TAFA2: variants seen among roughly 807,000 people sequenced by gnomAD.
TAFA2 encodes the protein TAFA chemokine like family member 2, also known as chemokine-like protein TAFA-2.
Under a neutral mutation model 18.8 loss-of-function variants are expected in TAFA2, and 7 were observed. The observed-to-expected ratio is 0.37, with a 90% CI of 0.21 to 0.70. The LOEUF (loss-of-function observed/expected upper bound fraction) is 0.70. Ranked by LOEUF, TAFA2 falls within the 30% of genes least tolerant of loss-of-function variation. TAFA2 has a pLI of 0.53. For synonymous variants in TAFA2, 60 were observed against 54.2 expected (o/e 1.11, Z -0.47); for missense variants, 122 against 158.1 (o/e 0.77, Z 1.23).
intron 2 of TAFA2, among the ~76,000 whole-genome samples, chr12:61,846,045 T>G (rs1873390624): frequency 6.6e-6 from 1 of 152,146 alleles, no homozygotes; most frequent in South Asian, 2.1e-4. Context: ...TTGGTCTATG[T>G]TTTGAAATAA....
intron 4 of TAFA2, among the ~76,000 whole-genome samples, chr12:61,713,256 A>G (rs1314468793): frequency 6.6e-6 from 1 of 152,140 alleles, no homozygotes; most frequent in Admixed American, 6.6e-5. Flanking sequence ...GCTGAGCTGT[A>G]ACCAATCTGG....
chr12:62,014,360 G>T (rs1880861172), intron 1 of TAFA2, among the ~76,000 whole-genome samples: 1 of 152,218 alleles, frequency 6.6e-6, no homozygotes, highest in African/African-American at 2.4e-5. Flanking sequence ...TGTGCGCAGT[G>T]ACTCATGCCT....
At chr12:62,032,679 A>G (rs1250502184) in intron 1 of TAFA2, among the ~76,000 whole-genome samples, 1 of 152,092 alleles carries the variant, frequency 6.6e-6, no homozygotes. Context: ...ATTAATTAAA[A>G]AAAATCTGTG....
chr12:62,170,152 GCAAGACTTAAT>G (rs2062467459), intron 1 of TAFA2, among the ~76,000 whole-genome samples: 1 of 152,092 alleles, frequency 6.6e-6, no homozygotes, highest in Non-Finnish European at 1.5e-5. Context: ...GGACCCTAGG[GCAAGACTTAAT>G]AGTACCCTTG....
At chr12:62,152,409 G>A (rs1378401362) in intron 1 of TAFA2, among the ~76,000 whole-genome samples, 1 of 152,172 alleles carries the variant, frequency 6.6e-6, no homozygotes, top group Non-Finnish European at 1.5e-5. Flanking sequence ...CCACGAAAAT[G>A]TGATGAATCA....
intron 2 of TAFA2, among the ~76,000 whole-genome samples, chr12:61,846,726 GAAC>G (rs1199282237): frequency 6.6e-6 from 1 of 151,990 alleles, no homozygotes; most frequent in Non-Finnish European, 1.5e-5. Context: ...TTGCATCCAC[GAAC>G]AACTGTCCAC....
chr12:61,929,332 C>A (rs914039752), intron 1 of TAFA2, among the ~76,000 whole-genome samples: 5 of 152,056 alleles, frequency 3.3e-5, no homozygotes, highest in East Asian at 3.9e-4. Flanking sequence ...ACCCCATCAA[C>A]AAGTGGGCGA....
At chr12:61,982,658 T>C (rs1230225916) in intron 1 of TAFA2, among the ~76,000 whole-genome samples, 1 of 152,078 alleles carries the variant, frequency 6.6e-6, no homozygotes, top group Non-Finnish European at 1.5e-5. Flanking sequence ...TATGGAGATA[T>C]ATCCTTTAGT....
chr12:62,164,214 G>C (rs1040012506), intron 1 of TAFA2, among the ~76,000 whole-genome samples: 1 of 152,056 alleles, frequency 6.6e-6, no homozygotes, highest in African/African-American at 2.4e-5. Flanking sequence ...TCTGCGATTT[G>C]GTAAACTTGA....
At chr12:61,945,730 C>T (rs1398336976) in intron 1 of TAFA2, among the ~76,000 whole-genome samples, 1 of 141,334 alleles carries the variant, frequency 7.1e-6, no homozygotes, top group Non-Finnish European at 1.5e-5. Flanking sequence ...AATAAAATAC[C>T]TAGGAATCCA....
intron 2 of TAFA2, among the ~76,000 whole-genome samples, chr12:61,854,400 G>A (rs2121172729): frequency 6.6e-6 from 1 of 152,038 alleles, no homozygotes; most frequent in African/African-American, 2.4e-5. Flanking sequence ...CCTAACAATA[G>A]GACATCCAGA....
intron 1 of TAFA2, among the ~76,000 whole-genome samples, chr12:61,927,277 C>T (rs778855544): frequency 6.6e-6 from 1 of 152,072 alleles, no homozygotes; most frequent in Non-Finnish European, 1.5e-5. Flanking sequence ...ATCGTCTCAG[C>T]CCAAAATCGC....
chr12:61,906,307 G>A (rs2198786), intron 1 of TAFA2, among the ~76,000 whole-genome samples: 41,487 of 151,980 alleles, frequency 0.27, 6,104 homozygotes, highest in East Asian at 0.44. Context: ...GAATCATGGG[G>A]GTGGGTTTTT....
chr12:61,847,589 T>C (rs1663189546), intron 2 of TAFA2, among the ~76,000 whole-genome samples: 2 of 152,188 alleles, frequency 1.3e-5, no homozygotes, highest in South Asian at 4.1e-4. Context: ...ATGATTAACC[T>C]AAAAGGAGTG....
intron 1 of TAFA2, among the ~76,000 whole-genome samples, chr12:61,930,939 T>G (rs1877528815): frequency 6.6e-6 from 1 of 152,194 alleles, no homozygotes; most frequent in South Asian, 2.1e-4. Flanking sequence ...GGTGCCAACA[T>G]CTCTATAAAT....
intron 1 of TAFA2, among the ~76,000 whole-genome samples, chr12:61,918,453 T>C (rs1876918828): frequency 6.6e-6 from 1 of 152,138 alleles, no homozygotes; most frequent in Admixed American, 6.6e-5. Flanking sequence ...CATAATGACC[T>C]CCAGTTCCAT....
chr12:61,879,673 G>C, intron 1 of TAFA2: 1 of 1,032,712 alleles, frequency 9.7e-7, no homozygotes, highest in African/African-American at 1.6e-5. Flanking sequence ...AGCAGAACAG[G>C]ATGCTGGAGG....
chr12:61,740,060 A>T (rs1321005016), intron 4 of TAFA2, among the ~76,000 whole-genome samples: 2 of 152,100 alleles, frequency 1.3e-5, no homozygotes, highest in Admixed American at 6.6e-5. Flanking sequence ...TTCTTTGAAA[A>T]TAAATTTACA....
At chr12:62,201,483 C>T (rs2062670703) in intron 1 of TAFA2, among the ~76,000 whole-genome samples, 1 of 152,170 alleles carries the variant, frequency 6.6e-6, no homozygotes, top group African/African-American at 2.4e-5. Context: ...TTTCCTATGT[C>T]TATTGAGATA....
Sources: gnomAD v4.1 joint callset for allele counts (sites outside exome capture counted in the v4.1 genomes callset) on GRCh38, gnomAD v4.1.1 for gene constraint, MANE v1.5 for transcripts, NCBI Gene and HGNC (gene_info 2026-07-23, HGNC 2026-07-21) for gene names.